Variants in ADGRL3 observed in about 807,000 individuals in gnomAD.
ADGRL3 encodes the protein adhesion G protein-coupled receptor L3.
A neutral mutation model predicts 153.5 loss-of-function variants in ADGRL3; 62 were observed. That is an observed-to-expected ratio of 0.40 (90% CI 0.33 to 0.50). The LOEUF (loss-of-function observed/expected upper bound fraction) is 0.50, where lower values mean the gene tolerates loss of function less well. ADGRL3 is among the 20% of genes least tolerant of loss of function. The probability of loss-of-function intolerance (pLI) is 0.47; values close to 1 mark genes in which losing one functional copy is unlikely to be tolerated. For synonymous variants in ADGRL3, 710 were observed against 672.5 expected, an observed-to-expected ratio of 1.06 and a Z score of -0.86; for missense variants, 1,641 against 1,859.4, an observed-to-expected ratio of 0.88 and a Z score of 2.16.
intron 1 of ADGRL3, among the ~76,000 whole-genome samples, chr4:61,309,040 C>T (rs1470281598): frequency 6.6e-6 from 1 of 152,014 alleles, no homozygotes; most frequent in Non-Finnish European, 1.5e-5. Context: ...AAAGAATTAC[C>T]TTCGCATTAT....
intron 5 of ADGRL3, among the ~76,000 whole-genome samples, chr4:61,653,747 A>G (rs545641792): frequency 3.2e-4 from 49 of 152,288 alleles, no homozygotes; most frequent in African/African-American, 1.1e-3. Flanking sequence ...GTTTTTAGCA[A>G]AATCTCCAGA....
intron 17 of ADGRL3, among the ~76,000 whole-genome samples, chr4:61,952,038 A>G (rs1299726119): frequency 6.6e-6 from 1 of 152,162 alleles, no homozygotes; most frequent in Non-Finnish European, 1.5e-5. Flanking sequence ...TACCTTGGTT[A>G]TAGAGGTCGA....
intron 5 of ADGRL3, among the ~76,000 whole-genome samples, chr4:61,672,412 C>T (rs569053399): frequency 1.2e-4 from 18 of 152,070 alleles, no homozygotes; most frequent in Admixed American, 1.3e-4. Context: ...TTGGTCTACA[C>T]GTTTATTTAG....
At chr4:61,739,272 T>C (rs1318533030) in intron 8 of ADGRL3, among the ~76,000 whole-genome samples, 2 of 152,060 alleles carry the variant, frequency 1.3e-5, no homozygotes, top group Admixed American at 6.6e-5. Context: ...AATAATCTTA[T>C]TGATATTGTT....
chr4:61,867,335 C>T (rs187974752), intron 9 of ADGRL3, among the ~76,000 whole-genome samples: 87 of 150,566 alleles, frequency 5.8e-4, no homozygotes, highest in East Asian at 4.4e-3. Context: ...CCTGTCTCTA[C>T]AAAAAATGCA....
chr4:61,869,150 C>T (rs1342695653), intron 9 of ADGRL3, among the ~76,000 whole-genome samples: 1 of 152,016 alleles, frequency 6.6e-6, no homozygotes, highest in Non-Finnish European at 1.5e-5. Flanking sequence ...TACCATGTTG[C>T]CCAGGCTGGT....
Position 61,824,321 on chromosome 4 carries a change from C to T in ADGRL3, c.1480+10432C>T, listed in dbSNP as rs187395591. 1.4e-4 allele frequency among the ~76,000 whole-genome samples: 22 copies of T among 152,170 alleles called. 1 individual carries two copies. In the East Asian group the frequency reaches 1.7e-3, roughly 12 times the overall value. On this transcript the variant is annotated intron_variant, in intron 9 of 26. Coordinates refer to ENST00000683033, the MANE Select transcript of ADGRL3 (RefSeq NM_001387552.1). ...CTTTTACTGTTTTCATAAACATGTACGCTTCTCTCAGAAAACGTATCTAAA... is the reference window on the plus strand; with the variant it reads ...CTTTTACTGTTTTCATAAACATGTATGCTTCTCTCAGAAAACGTATCTAAA...
chr4:61,348,464 G>GA (rs1266662526), intron 1 of ADGRL3, among the ~76,000 whole-genome samples: 3 of 151,862 alleles, frequency 2.0e-5, no homozygotes, highest in Non-Finnish European at 4.4e-5. Context: ...AGAGTTGTGG[G>GA]AAAAAACATG....
At chr4:61,208,033 T>C (rs1263877023) in intron 1 of ADGRL3, among the ~76,000 whole-genome samples, 1 of 152,194 alleles carries the variant, frequency 6.6e-6, no homozygotes, top group Non-Finnish European at 1.5e-5. Flanking sequence ...TAATCCAGTG[T>C]AGAAAACTTG....
intron 8 of ADGRL3, among the ~76,000 whole-genome samples, chr4:61,737,569 A>G (rs1176672285): frequency 6.6e-6 from 1 of 152,156 alleles, no homozygotes; most frequent in Non-Finnish European, 1.5e-5. Flanking sequence ...TATAAAATGG[A>G]AAAAATAACT....
At chr4:61,509,122 A>AT (rs1395468911) in intron 3 of ADGRL3, among the ~76,000 whole-genome samples, 1 of 98,350 alleles carries the variant, frequency 1.0e-5, no homozygotes. Context: ...ACCATATCAC[A>AT]TCTTTTTTTT....
chr4:61,528,866 C>G (rs545879182), intron 4 of ADGRL3, among the ~76,000 whole-genome samples: 325 of 152,200 alleles, frequency 2.1e-3, no homozygotes, highest in Non-Finnish European at 3.1e-3. Flanking sequence ...TGGAAGGTGC[C>G]TAGAGGTAGT....
chr4:61,603,567 C>T (rs1008137222), intron 5 of ADGRL3, among the ~76,000 whole-genome samples: 1 of 152,074 alleles, frequency 6.6e-6, no homozygotes, highest in Non-Finnish European at 1.5e-5. Context: ...AGGCTAGAAC[C>T]ACGAGTATTT....
At chr4:61,537,686 T>C (rs1371490865) in intron 4 of ADGRL3, among the ~76,000 whole-genome samples, 1 of 152,158 alleles carries the variant, frequency 6.6e-6, no homozygotes, top group Admixed American at 6.5e-5. Context: ...TATTTTGGAG[T>C]TCCTTTAGTG....
At chr4:61,601,451 C>T (rs934437144) in intron 5 of ADGRL3, among the ~76,000 whole-genome samples, 1 of 152,134 alleles carries the variant, frequency 6.6e-6, no homozygotes, top group Admixed American at 6.5e-5. Context: ...TATGAATGAG[C>T]TCTACTCAAT....
rs185112650 is a variant in ADGRL3, at chr4:61,868,735, G to C, written c.1481-23921G>C. Reference sequence around the variant, plus strand: ...AGAAGCTTTAATATCTAATTTGGTAGACAATTAAAGTCCTTGGCAAGGCAT... The same window carrying C: ...AGAAGCTTTAATATCTAATTTGGTACACAATTAAAGTCCTTGGCAAGGCAT... On this transcript the variant is annotated intron_variant, in intron 9 of 26. Transcript: ENST00000683033. Among the ~76,000 whole-genome samples the C allele has an allele frequency of 5.9e-5, 9 of 152,160 alleles. No individual in the cohort carries two copies. The East Asian group carries it at 1.7e-3, about 30-fold the overall frequency.
At chr4:61,324,745 T>C (rs1169323790) in intron 1 of ADGRL3, among the ~76,000 whole-genome samples, 2 of 152,166 alleles carry the variant, frequency 1.3e-5, no homozygotes, top group East Asian at 3.8e-4. Flanking sequence ...TTTTATGCAA[T>C]TTTTAGATTT....
intron 2 of ADGRL3, among the ~76,000 whole-genome samples, chr4:61,417,961 A>T (rs962588657): frequency 6.6e-6 from 1 of 152,074 alleles, no homozygotes. Context: ...TCAGTTGGGG[A>T]TTGAGATTGG....
At chr4:61,215,728 A>G (rs1742436974) in intron 1 of ADGRL3, among the ~76,000 whole-genome samples, 1 of 150,894 alleles carries the variant, frequency 6.6e-6, no homozygotes, top group African/African-American at 2.4e-5. Flanking sequence ...ATTTTTTTGT[A>G]TTTTTAATGG....
Sources: gnomAD v4.1 joint callset for allele counts (sites outside exome capture counted in the v4.1 genomes callset) on GRCh38, gnomAD v4.1.1 for gene constraint, MANE v1.5 for transcripts, NCBI Gene and HGNC (gene_info 2026-07-23, HGNC 2026-07-21) for gene names.